Variants in FANCC observed in about 807,000 individuals in gnomAD.
The protein encoded by FANCC is FA complementation group C.
FANCC carries 55 observed loss-of-function variants against 71.3 expected under a neutral mutation model. The observed-to-expected ratio is 0.77, with a 90% confidence interval of 0.62 to 0.97. FANCC has a LOEUF of 0.97. Ranked by LOEUF, FANCC falls within the 50% of genes least tolerant of loss-of-function variation. The probability of loss-of-function intolerance (pLI) is 0.00; values close to 1 mark genes in which losing one functional copy is unlikely to be tolerated. For synonymous variants in FANCC, 275 were observed against 244.9 expected, an observed-to-expected ratio of 1.12 and a Z score of -1.15; for missense variants, 678 against 670.9, an observed-to-expected ratio of 1.01 and a Z score of -0.12.
At chr9:95,172,842 G>C (rs1034481169) in intron 4 of FANCC, among the ~76,000 whole-genome samples, 1 of 152,132 alleles carries the variant, frequency 6.6e-6, no homozygotes, top group Admixed American at 6.5e-5. Context: ...AGAACTCTGA[G>C]AACTGAAAAT....
At chr9:95,231,828 C>T (rs1409993782) in intron 4 of FANCC, among the ~76,000 whole-genome samples, 1 of 152,222 alleles carries the variant, frequency 6.6e-6, no homozygotes. Context: ...GAAGGCCACT[C>T]TCTCTTTTGC....
chr9:95,162,845 T>C (rs1016631558), intron 6 of FANCC, among the ~76,000 whole-genome samples: 10 of 152,230 alleles, frequency 6.6e-5, no homozygotes, highest in African/African-American at 2.4e-4. Context: ...TCTCTGTATA[T>C]TCTGGATATT....
rs149938692 is a variant in FANCC at position 95,137,229 on chromosome 9, GGA to G, written c.687-1729_687-1728del. Among the ~76,000 whole-genome samples the G allele has an allele frequency of 3.3e-3, 506 of 152,282 alleles. 9 individuals carry two copies. In the East Asian group the frequency reaches 0.043, roughly 13 times the overall value. ...GGTCCAGGGACAGGAAGGGACATGG[GGA>G]GAGCAGTTCCTAGAGGTTTCACTTT... On this transcript the variant is annotated intron_variant, in intron 7 of 14. Coordinates refer to ENST00000289081, the MANE Select transcript of FANCC (RefSeq NM_000136.3).
intron 1 of FANCC, among the ~76,000 whole-genome samples, chr9:95,289,058 T>C (rs1489263507): frequency 6.6e-6 from 1 of 152,116 alleles, no homozygotes; most frequent in Non-Finnish European, 1.5e-5. Flanking sequence ...CTACGGATCA[T>C]GCCACTGCAC....
At chr9:95,225,672 A>G (rs1829570322) in intron 4 of FANCC, among the ~76,000 whole-genome samples, 1 of 152,246 alleles carries the variant, frequency 6.6e-6, no homozygotes, top group Non-Finnish European at 1.5e-5. Flanking sequence ...GGCCCATCTG[A>G]GCACTGGCAA....
At chr9:95,294,761 C>T in intron 1 of FANCC, 2 of 1,587,804 alleles carry the variant, frequency 1.3e-6, no homozygotes, top group South Asian at 1.2e-5. Context: ...CAGTTCAGCT[C>T]TGTAGAAACC....
intron 10 of FANCC, 146 bp downstream of exon 10, chr9:95,124,940 C>A (rs901441244): frequency 6.9e-6 from 5 of 729,432 alleles, no homozygotes; most frequent in Non-Finnish European, 1.2e-5. Context: ...AATGGCTTAA[C>A]CTTTGTTGGG....
At chr9:95,174,569 T>C (rs912806824) in intron 4 of FANCC, among the ~76,000 whole-genome samples, 5 of 151,972 alleles carry the variant, frequency 3.3e-5, no homozygotes, top group African/African-American at 1.2e-4. Context: ...TCTACTTAAG[T>C]ACAATTTCCT....
chr9:95,254,464 G>A (rs545889441), intron 1 of FANCC, among the ~76,000 whole-genome samples: 1 of 152,314 alleles, frequency 6.6e-6, no homozygotes, highest in African/African-American at 2.4e-5. Context: ...CCTCACCCAA[G>A]AAGCACAATG....
chr9:95,197,818 A>G (rs1300950911), intron 4 of FANCC, among the ~76,000 whole-genome samples: 2 of 152,226 alleles, frequency 1.3e-5, no homozygotes, highest in African/African-American at 2.4e-5. Flanking sequence ...CAGAAGGCCA[A>G]GAAACAAAGT....
chr9:95,143,581 T>C (rs1829083186), intron 7 of FANCC, among the ~76,000 whole-genome samples: 1 of 152,218 alleles, frequency 6.6e-6, no homozygotes, highest in Non-Finnish European at 1.5e-5. Context: ...CAAATGCACA[T>C]TTCTTATTAT....
At chr9:95,153,719 T>C (rs1179478822) in intron 6 of FANCC, among the ~76,000 whole-genome samples, 4 of 152,242 alleles carry the variant, frequency 2.6e-5, no homozygotes, top group Non-Finnish European at 5.9e-5. Flanking sequence ...ACTAGTCCTT[T>C]GTCAGATGCA....
intron 4 of FANCC, among the ~76,000 whole-genome samples, chr9:95,197,805 A>G (rs980331789): frequency 1.3e-5 from 2 of 152,204 alleles, no homozygotes; most frequent in African/African-American, 2.4e-5. Context: ...AGGAGTTACC[A>G]GGCAGAAGGC....
At chr9:95,175,105 A>C (rs1588226755) in intron 4 of FANCC, among the ~76,000 whole-genome samples, 1 of 152,124 alleles carries the variant, frequency 6.6e-6, no homozygotes, top group African/African-American at 2.4e-5. Context: ...TTTTGTGCAG[A>C]TCATGTACTT....
rs2134550393 is a variant in FANCC, at chr9:95,111,580, A to G, written c.1212T>C (p.Ala404=). Residue 404 remains alanine (A), a synonymous_variant, in exon 13 of 15, where the codon GCT becomes GCC. Transcript: ENST00000289081. ...TCAGTAATTGCTCTGCCACCATCTCAGCCCATCCTCCGAAGTGAATGAACA... is the reference window on the plus strand; with the variant it reads ...TCAGTAATTGCTCTGCCACCATCTCGGCCCATCCTCCGAAGTGAATGAACA... The part of the protein sequence containing the change: ...WFLFIHFGGW[A]EMVAEQLLMS... 6.2e-7 allele frequency: 1 copy of G among 1,614,178 alleles called. No individual in the cohort carries two copies. Among genetic ancestry groups the G allele is most frequent in the African/African-American group, 1.3e-5 (1 of 75,064 alleles).
chr9:95,218,262 C>A (rs10761377), intron 4 of FANCC, among the ~76,000 whole-genome samples: 23 of 151,872 alleles, frequency 1.5e-4, no homozygotes, highest in Admixed American at 1.5e-3. Context: ...ACTAGGAGTT[C>A]GAGACTAGCC....
intron 13 of FANCC, chr9:95,110,709 G>A (rs1185425333): frequency 1.9e-6 from 2 of 1,060,638 alleles, no homozygotes; most frequent in African/African-American, 1.7e-5. Flanking sequence ...TACAAAATGA[G>A]CCTTGTCCTC....
chr9:95,195,888 T>C (rs1158170908), intron 4 of FANCC, among the ~76,000 whole-genome samples: 1 of 152,264 alleles, frequency 6.6e-6, no homozygotes, highest in East Asian at 1.9e-4. Context: ...ATTGTGTTTT[T>C]AGTTTTGGTT....
At chr9:95,210,649 A>G (rs1441705189) in intron 4 of FANCC, among the ~76,000 whole-genome samples, 1 of 152,198 alleles carries the variant, frequency 6.6e-6, no homozygotes, top group East Asian at 1.9e-4. Flanking sequence ...GCCCAGGGTA[A>G]TAAGTAGTAA....
Sources: gnomAD v4.1 joint callset for allele counts (sites outside exome capture counted in the v4.1 genomes callset) on GRCh38, gnomAD v4.1.1 for gene constraint, MANE v1.5 for transcripts, NCBI Gene and HGNC (gene_info 2026-07-23, HGNC 2026-07-21) for gene names.